SRGAP3: variants seen among roughly 807,000 people sequenced by gnomAD.
SRGAP3 encodes the protein SLIT-ROBO Rho GTPase activating protein 3, also known as SLIT-ROBO Rho GTPase-activating protein 3.
SRGAP3 carries 39 observed loss-of-function variants against 121.1 expected under a neutral mutation model. The observed-to-expected ratio is 0.32, with a 90% CI of 0.25 to 0.42. The LOEUF (loss-of-function observed/expected upper bound fraction) is 0.42, where lower values mean the gene tolerates loss of function less well. SRGAP3 is among the 10% of genes least tolerant of loss of function. SRGAP3 has a pLI of 1.00. For synonymous variants in SRGAP3, 601 were observed against 570.0 expected (o/e 1.05, Z -0.77); for missense variants, 1,213 against 1,470.6 (o/e 0.82, Z 2.86).
chr3:8,988,640 T>G (rs1255098005), intron 21 of SRGAP3, among the ~76,000 whole-genome samples: 1 of 152,164 alleles, frequency 6.6e-6, no homozygotes, highest in Non-Finnish European at 1.5e-5. Context: ...CCTGTTTTCT[T>G]TCTTGGAGAT....
Position 9,236,587 on chromosome 3 carries a change from C to CG in SRGAP3, c.67+12297_67+12298insC, listed in dbSNP as rs1207776006. ...TAAAAGTGTGTGGCACTTCCCCCCC[C>CG]CTCTTCTTCCTACTCCTGCCATGTA... On this transcript the variant is annotated intron_variant, in intron 1 of 21. Transcript: ENST00000383836. Among the ~76,000 whole-genome samples, 9 of 152,010 alleles carry CG rather than the reference C, an allele frequency of 5.9e-5. No individual in the cohort carries two copies. In the South Asian group the frequency reaches 1.0e-3, roughly 18 times the overall value.
At chr3:9,058,923 T>C in intron 6 of SRGAP3, 1 of 194,622 alleles carries the variant, frequency 5.1e-6, no homozygotes, top group Non-Finnish European at 1.1e-5. Flanking sequence ...ATTTACTGTG[T>C]TGGCCAGACT....
At chr3:9,327,016 A>G (rs1955531945) in intron 2 of SRGAP3, among the ~76,000 whole-genome samples, 2 of 151,934 alleles carry the variant, frequency 1.3e-5, no homozygotes, top group South Asian at 4.1e-4. Context: ...AAGGTAAATA[A>G]AAACCTTTCA....
At chr3:9,324,101 T>C (rs568588356) in intron 3 of SRGAP3, among the ~76,000 whole-genome samples, 3 of 151,986 alleles carry the variant, frequency 2.0e-5, no homozygotes, top group African/African-American at 7.2e-5. Context: ...TGAATGGAGT[T>C]TGAACATTCA....
intron 18 of SRGAP3, chr3:9,007,753 G>C (rs1274221456): frequency 6.6e-6 from 1 of 152,082 alleles, no homozygotes; most frequent in Non-Finnish European, 1.5e-5. Flanking sequence ...AGGAAATAGA[G>C]GCCAGAGGTG....
intron 4 of SRGAP3, among the ~76,000 whole-genome samples, chr3:9,073,779 G>A (rs1041573008): frequency 6.6e-5 from 10 of 152,202 alleles, no homozygotes; most frequent in African/African-American, 2.4e-4. Context: ...ACCTATGAAC[G>A]CAAAGCAAGA....
At position 9,271,249 on chromosome 3, in the gene SRGAP3, G is replaced by A. The variant is rs972624058; in HGVS notation, n.442+54761C>T. 7.2e-5 allele frequency among the ~76,000 whole-genome samples: 11 copies of A among 152,182 alleles called. 1 individual carries two copies. In the South Asian group the frequency reaches 1.2e-3, roughly 17 times the overall value. On this transcript the variant is annotated intron_variant and non_coding_transcript_variant, in intron 3 of 3. Transcript: ENST00000490889. The stretch of plus-strand genomic sequence containing the variant: ...CCTGGGAGGCTGAGGCACAAGAATC[G>A]CTTGAACCAGGGAGGCAGAGGTTGC...
intron 14 of SRGAP3, among the ~76,000 whole-genome samples, chr3:9,021,743 C>T (rs1454146747): frequency 6.6e-6 from 1 of 152,210 alleles, no homozygotes; most frequent in African/African-American, 2.4e-5. Flanking sequence ...TCCCTTTTAA[C>T]AACTGGTGAA....
At position 9,058,335 on chromosome 3, in the gene SRGAP3, A is replaced by G. The variant is rs757234243; in HGVS notation, c.939T>C (p.Ser313=). The change falls in exon 7 of 22, where the codon AGT becomes AGC. Residue 313 remains serine, a synonymous_variant. Coordinates refer to ENST00000383836, the MANE Select transcript of SRGAP3 (RefSeq NM_014850.4). The part of the protein sequence containing the change: ...ENAVDNLDSR[S]DKHTVMDMCN... ...ACATGTCCATGACTGTGTGCTTGTC[A>G]CTTCGGGAATCCAGGTTGTCCACTG... is the stretch of plus-strand genomic sequence containing the variant. 4.3e-6 allele frequency: 7 copies of G among 1,614,228 alleles called. No individual in the cohort carries two copies. The South Asian group carries it at 6.6e-5, about 15-fold the overall frequency.
chr3:9,231,552 A>T (rs2700323), intron 1 of SRGAP3, among the ~76,000 whole-genome samples: 113,352 of 152,152 alleles, frequency 0.74, 42,438 homozygotes, highest in South Asian at 0.82. Context: ...TTTATAGGCC[A>T]ACACCGAACT....
At chr3:9,258,224 G>A (rs35490965) in intron 3 of SRGAP3, among the ~76,000 whole-genome samples, 12,926 of 152,198 alleles carry the variant, frequency 0.085, 769 homozygotes, top group Non-Finnish European at 0.13. Flanking sequence ...GCGGTTTCTT[G>A]GAGGCGAAAA....
At chr3:9,288,490 G>A (rs1574974603) in intron 3 of SRGAP3, among the ~76,000 whole-genome samples, 2 of 151,360 alleles carry the variant, frequency 1.3e-5, no homozygotes, top group East Asian at 3.9e-4. Flanking sequence ...CTCTCCCCTA[G>A]GTTACTAATT....
intron 14 of SRGAP3, among the ~76,000 whole-genome samples, chr3:9,021,861 G>A (rs917296681): frequency 1.3e-5 from 2 of 152,156 alleles, no homozygotes; most frequent in Non-Finnish European, 2.9e-5. Flanking sequence ...AGGTTGAGGC[G>A]GGTGCGTCGC....
At chr3:9,092,068 C>T (rs989731040) in intron 3 of SRGAP3, among the ~76,000 whole-genome samples, 6 of 152,092 alleles carry the variant, frequency 3.9e-5, no homozygotes, top group African/African-American at 9.7e-5. Flanking sequence ...CATGCACACC[C>T]GGGAGCCCAG....
intron 1 of SRGAP3, among the ~76,000 whole-genome samples, chr3:9,180,659 A>G (rs1408078667): frequency 1.3e-5 from 2 of 152,234 alleles, no homozygotes; most frequent in Non-Finnish European, 2.9e-5. Context: ...TCTAAGTCCT[A>G]CGTGTTCTTC....
At chr3:9,190,519 C>T (rs907339881) in intron 1 of SRGAP3, among the ~76,000 whole-genome samples, 2 of 152,182 alleles carry the variant, frequency 1.3e-5, no homozygotes, top group African/African-American at 4.8e-5. Context: ...TGGCTCCAAT[C>T]CTCGGGGCTT....
chr3:9,230,094 A>G (rs575459709), intron 1 of SRGAP3, among the ~76,000 whole-genome samples: 23 of 152,328 alleles, frequency 1.5e-4, no homozygotes, highest in African/African-American at 4.8e-4. Flanking sequence ...CGGCTCTTAC[A>G]GTTGTGATTT....
intron 1 of SRGAP3, among the ~76,000 whole-genome samples, chr3:9,247,212 T>C (rs558672239): frequency 2.8e-4 from 42 of 152,356 alleles, no homozygotes; most frequent in African/African-American, 9.9e-4. Flanking sequence ...AAAGAGTCTA[T>C]TCAAAGATTG....
intron 3 of SRGAP3, among the ~76,000 whole-genome samples, chr3:9,262,534 CAAAA>C (rs765408588): frequency 3.1e-4 from 8 of 25,582 alleles, no homozygotes; most frequent in Non-Finnish European, 3.8e-4. Context: ...AAATGGAAAG[CAAAA>C]AAAAAAAAAA....
Sources: gnomAD v4.1 joint callset for allele counts (sites outside exome capture counted in the v4.1 genomes callset) on GRCh38, gnomAD v4.1.1 for gene constraint, MANE v1.5 for transcripts, NCBI Gene and HGNC (gene_info 2026-07-23, HGNC 2026-07-21) for gene names.